DMD: variants seen among roughly 807,000 people sequenced by gnomAD.
DMD encodes dystrophin.
Under a neutral mutation model 330.1 loss-of-function variants are expected in DMD, and 63 were observed. That is an observed-to-expected ratio of 0.19 (90% CI 0.16 to 0.24). The LOEUF (loss-of-function observed/expected upper bound fraction) is 0.24. Ranked by LOEUF, DMD falls within the 10% of genes least tolerant of loss-of-function variation. The pLI is 1.00. For synonymous variants in DMD, 1,223 were observed against 959.8 expected (o/e 1.27, Z -5.07); for missense variants, 3,344 against 2,684.1 (o/e 1.25, Z -5.43).
At chrX:32,203,744 G>A (rs1240377395) in intron 44 of DMD, among the ~76,000 whole-genome samples, 2 of 111,306 alleles carry the variant, frequency 1.8e-5, no homozygotes, top group Non-Finnish European at 1.9e-5. Flanking sequence ...TATAGAATCC[G>A]CCAAATCTAT....
At position 32,788,000 on chromosome X, in the gene DMD, G is replaced by A. The variant is rs149537784; in HGVS notation, c.649+21493C>T. On this transcript the variant is annotated intron_variant, in intron 7 of 78. Transcript: ENST00000357033. ...CTTACTCCTTGAAGTAGCAGTGGGAGGTAAATATTTTTACTTTACACGTGA... is the reference window on the plus strand; with the variant it reads ...CTTACTCCTTGAAGTAGCAGTGGGAAGTAAATATTTTTACTTTACACGTGA... Among the ~76,000 whole-genome samples, 1,105 of 111,199 alleles carry A rather than the reference G, an allele frequency of 9.9e-3. 8 individuals are homozygous for A. Among genetic ancestry groups the A allele is most frequent in the African/African-American group, 0.034 (1,049 of 30,583 alleles).
chrX:33,107,334 A>AC (rs1359692307), intron 1 of DMD, among the ~76,000 whole-genome samples: 4 of 94,838 alleles, frequency 4.2e-5, no homozygotes, highest in Non-Finnish European at 8.4e-5. Flanking sequence ...CAACACACAC[A>AC]AAAAAAACAG....
At chrX:31,910,044 C>T (rs1266979033) in intron 47 of DMD, among the ~76,000 whole-genome samples, 5 of 112,385 alleles carry the variant, frequency 4.4e-5, no homozygotes, top group Non-Finnish European at 7.5e-5. Context: ...GCTGTGCCTT[C>T]GTTGGCAAAT....
intron 44 of DMD, among the ~76,000 whole-genome samples, chrX:32,118,460 A>G (rs897312091): frequency 1.8e-5 from 2 of 111,083 alleles, no homozygotes; most frequent in African/African-American, 3.3e-5. Context: ...ACACTGGGCT[A>G]AACCCAAGGA....
chrX:31,390,881 A>G (rs776203868), intron 60 of DMD, among the ~76,000 whole-genome samples: 6 of 111,312 alleles, frequency 5.4e-5, no homozygotes, highest in Non-Finnish European at 1.1e-4. Flanking sequence ...TTCTCTGCTT[A>G]CCCATAAAAT....
At chrX:31,688,860 G>A (rs2082891706) in intron 52 of DMD, among the ~76,000 whole-genome samples, 1 of 111,618 alleles carries the variant, frequency 9.0e-6, no homozygotes, top group African/African-American at 3.3e-5. Context: ...CAGAACCAAC[G>A]ACAAAAACCA....
At chrX:31,489,448 C>A (rs1439611582) in intron 57 of DMD, among the ~76,000 whole-genome samples, 1 of 112,138 alleles carries the variant, frequency 8.9e-6, no homozygotes, top group Non-Finnish European at 1.9e-5. Flanking sequence ...CAAGTCTTTA[C>A]CCCAAAATAA....
intron 7 of DMD, among the ~76,000 whole-genome samples, chrX:32,728,853 C>T (rs1354181760): frequency 5.4e-5 from 6 of 111,797 alleles, no homozygotes; most frequent in Non-Finnish European, 1.1e-4. Flanking sequence ...GAAGGCCTGA[C>T]GTTGGCCATA....
intron 2 of DMD, among the ~76,000 whole-genome samples, chrX:32,874,248 C>T (rs1056087407): frequency 6.3e-5 from 7 of 111,864 alleles, no homozygotes; most frequent in Non-Finnish European, 1.3e-4. Flanking sequence ...TAGAACATTG[C>T]GACAAGTTCA....
At chrX:31,526,727 T>G (rs1314593474) in intron 55 of DMD, among the ~76,000 whole-genome samples, 1 of 112,117 alleles carries the variant, frequency 8.9e-6, no homozygotes, top group Non-Finnish European at 1.9e-5. Flanking sequence ...AACTTCCTTA[T>G]GTTTTAATCC....
chrX:32,424,797 A>C (rs1345967922), intron 29 of DMD, among the ~76,000 whole-genome samples: 1 of 110,760 alleles, frequency 9.0e-6, no homozygotes, highest in Non-Finnish European at 1.9e-5. Context: ...GATTGTAAAA[A>C]AAAAAAAAAA....
chrX:32,925,145 G>GTTTTTTTT (rs777224221), intron 2 of DMD, among the ~76,000 whole-genome samples: 3 of 48,534 alleles, frequency 6.2e-5, no homozygotes, highest in African/African-American at 2.4e-4. Flanking sequence ...AAAACTCTGG[G>GTTTTTTTT]TTTTTTTTTT....
intron 44 of DMD, among the ~76,000 whole-genome samples, chrX:32,170,601 G>A (rs1479973374): frequency 9.1e-6 from 1 of 109,638 alleles, no homozygotes; most frequent in Non-Finnish European, 1.9e-5. Flanking sequence ...CCTTTGTTCA[G>A]CTTGTTAAAT....
chrX:32,331,439 C>A (rs1487652874), intron 41 of DMD, among the ~76,000 whole-genome samples: 1 of 111,403 alleles, frequency 9.0e-6, no homozygotes, highest in Non-Finnish European at 1.9e-5. Flanking sequence ...CTGCACATAT[C>A]AATAATTCAT....
At chrX:31,476,604 G>A (rs1051722803) in intron 59 of DMD, among the ~76,000 whole-genome samples, 3 of 109,209 alleles carry the variant, frequency 2.7e-5, no homozygotes, top group Admixed American at 9.9e-5. Context: ...AAAGGGCCAC[G>A]TAATCTCCTT....
At chrX:31,374,892 A>C (rs936898694) in intron 60 of DMD, among the ~76,000 whole-genome samples, 11 of 111,338 alleles carry the variant, frequency 9.9e-5, no homozygotes, top group African/African-American at 3.6e-4. Context: ...GTGGCGCTCC[A>C]CCCTGGACCT....
intron 44 of DMD, among the ~76,000 whole-genome samples, chrX:32,133,898 C>A (rs1054210307): frequency 9.0e-6 from 1 of 111,697 alleles, no homozygotes; most frequent in Non-Finnish European, 1.9e-5. Context: ...ACTCTAGCCA[C>A]ACTGCAGATA....
At chrX:31,346,845 A>G (rs1038655263) in intron 61 of DMD, among the ~76,000 whole-genome samples, 1 of 106,849 alleles carries the variant, frequency 9.4e-6, no homozygotes, top group Admixed American at 1.0e-4. Flanking sequence ...CTAAAAAAAT[A>G]CAAAAATTAT....
At chrX:32,612,975 G>A (rs1028367391) in intron 12 of DMD, among the ~76,000 whole-genome samples, 3 of 111,189 alleles carry the variant, frequency 2.7e-5, no homozygotes, top group African/African-American at 9.8e-5. Context: ...GAACTGTAAA[G>A]CTATATATGA....
Sources: gnomAD v4.1 joint callset for allele counts (sites outside exome capture counted in the v4.1 genomes callset) on GRCh38, gnomAD v4.1.1 for gene constraint, MANE v1.5 for transcripts, NCBI Gene and HGNC (gene_info 2026-07-23, HGNC 2026-07-21) for gene names.